The following DOCK9 variants were observed in gnomAD, a reference collection of about 807,000 sequenced individuals.
DOCK9 encodes the protein dedicator of cytokinesis protein 9.
DOCK9 carries 89 observed loss-of-function variants against 263.3 expected under a neutral mutation model. The ratio of observed to expected loss-of-function variants is 0.34; its 90% confidence interval spans 0.28 to 0.40. DOCK9 has a LOEUF of 0.40. Among genes scored for constraint, DOCK9 ranks in the 10% least tolerant of loss-of-function variants. The pLI is 1.00. For synonymous variants in DOCK9, 976 were observed against 973.1 expected, an observed-to-expected ratio of 1.00 and a Z score of -0.06; for missense variants, 2,140 against 2,603.4, an observed-to-expected ratio of 0.82 and a Z score of 3.87.
At chr13:99,012,670 C>T (rs1884710313) in intron 1 of DOCK9, among the ~76,000 whole-genome samples, 1 of 152,130 alleles carries the variant, frequency 6.6e-6, no homozygotes, top group African/African-American at 2.4e-5. Flanking sequence ...GGGCAGGGCT[C>T]CCTTAAGAAA....
At chr13:98,840,220 G>A (rs544277779) in intron 38 of DOCK9, among the ~76,000 whole-genome samples, 1 of 152,330 alleles carries the variant, frequency 6.6e-6, no homozygotes, top group South Asian at 2.1e-4. Flanking sequence ...TTTAAACTAA[G>A]GGTTGGCAAT....
intron 33 of DOCK9, chr13:98,857,818 C>T (rs1178180323): frequency 1.3e-5 from 2 of 152,192 alleles, no homozygotes; most frequent in Non-Finnish European, 2.9e-5. Flanking sequence ...AGGAGAGAAA[C>T]CATGTGAATG....
intron 38 of DOCK9, among the ~76,000 whole-genome samples, chr13:98,839,483 T>C (rs1190920490): frequency 6.6e-6 from 1 of 152,258 alleles, no homozygotes; most frequent in Non-Finnish European, 1.5e-5. Context: ...ACACCTGTTA[T>C]CAGACCAACC....
chr13:98,965,035 G>T (rs979462004), intron 1 of DOCK9, among the ~76,000 whole-genome samples: 4 of 152,168 alleles, frequency 2.6e-5, no homozygotes, highest in African/African-American at 9.7e-5. Flanking sequence ...TTCATTTGAG[G>T]GGGTACCAAT....
chr13:98,929,470 G>C (rs1370522867), intron 3 of DOCK9, among the ~76,000 whole-genome samples: 6 of 152,078 alleles, frequency 3.9e-5, no homozygotes, highest in African/African-American at 1.4e-4. Flanking sequence ...TTGAACCCAG[G>C]AGAGGCAGAG....
At chr13:99,017,120 A>C (rs1169998426) in intron 1 of DOCK9, among the ~76,000 whole-genome samples, 1 of 152,218 alleles carries the variant, frequency 6.6e-6, no homozygotes, top group Non-Finnish European at 1.5e-5. Context: ...CATGCAAAAA[A>C]CAGGATGACC....
At chr13:98,807,612 T>C in intron 48 of DOCK9, 49 bp downstream of exon 48, 1 of 1,443,820 alleles carries the variant, frequency 6.9e-7, no homozygotes, top group Non-Finnish European at 9.3e-7. Context: ...TAATATGTAA[T>C]CAATCACAAC....
Position 98,846,000 on chromosome 13 carries a change from G to C in DOCK9, c.4122C>G (p.Ser1374=), listed in dbSNP as rs762245969. 14 of 1,610,170 alleles carry C rather than the reference G, an allele frequency of 8.7e-6. No individual in the cohort carries two copies. Among genetic ancestry groups the C allele is most frequent in the Non-Finnish European group, 8.5e-7 (1 of 1,178,364 alleles). Residue 1374 remains serine, a synonymous_variant, in exon 38 of 53, where the codon TCC becomes TCG. Coordinates refer to ENST00000682017, the MANE Select transcript of DOCK9 (RefSeq NM_001366683.2). Reference sequence around the variant, plus strand: ...CATGCATCATTCCTGTTCTGTTACGGGAAACAGGCAATGTCTGAGACTTTC... The same window carrying C: ...CATGCATCATTCCTGTTCTGTTACGCGAAACAGGCAATGTCTGAGACTTTC... ...HDRKSQTLPV[S]RNRTGMMHAR...
intron 1 of DOCK9, among the ~76,000 whole-genome samples, chr13:99,061,768 A>G (rs2041201707): frequency 6.6e-6 from 1 of 151,840 alleles, no homozygotes; most frequent in Non-Finnish European, 1.5e-5. Context: ...TTTCTATCCC[A>G]TTCCGGTACT....
chr13:99,049,108 A>C (rs1173032336), intron 1 of DOCK9, among the ~76,000 whole-genome samples: 1 of 152,254 alleles, frequency 6.6e-6, no homozygotes, highest in Non-Finnish European at 1.5e-5. Context: ...TGGACCCAAC[A>C]GAATCATCAA....
intron 1 of DOCK9, among the ~76,000 whole-genome samples, chr13:98,972,130 G>A (rs1302157936): frequency 1.3e-5 from 2 of 152,174 alleles, no homozygotes; most frequent in Non-Finnish European, 2.9e-5. Context: ...GTGTAACTTT[G>A]AGCAAGAGGA....
intron 1 of DOCK9, among the ~76,000 whole-genome samples, chr13:98,967,292 G>A (rs1279204740): frequency 1.3e-5 from 2 of 152,222 alleles, no homozygotes; most frequent in Admixed American, 1.3e-4. Context: ...AATGGTGGTG[G>A]TGGGGACCAC....
intron 33 of DOCK9, chr13:98,859,309 T>C (rs1479162544): frequency 6.6e-6 from 1 of 152,214 alleles, no homozygotes; most frequent in Non-Finnish European, 1.5e-5. Context: ...TGCAAGCATT[T>C]TGCATGAATT....
chr13:99,051,660 C>T (rs764536157), intron 1 of DOCK9, among the ~76,000 whole-genome samples: 5 of 152,008 alleles, frequency 3.3e-5, no homozygotes, highest in Non-Finnish European at 5.9e-5. Context: ...AACCTGCAGA[C>T]GACTTGACTC....
intron 30 of DOCK9, 52 bp from the exon 31 acceptor site, chr13:98,863,600 A>C: frequency 6.5e-7 from 1 of 1,529,696 alleles, no homozygotes; most frequent in Non-Finnish European, 8.9e-7. Context: ...ATGCTCTTTG[A>C]ATAAAACAAA....
At chr13:98,901,524 A>G (rs2048276658) in intron 13 of DOCK9, among the ~76,000 whole-genome samples, 1 of 152,078 alleles carries the variant, frequency 6.6e-6, no homozygotes, top group Non-Finnish European at 1.5e-5. Context: ...TTTACTATTA[A>G]GCTGGTAATT....
intron 45 of DOCK9, among the ~76,000 whole-genome samples, chr13:98,810,785 G>A (rs1180186933): frequency 6.6e-6 from 1 of 152,172 alleles, no homozygotes; most frequent in Non-Finnish European, 1.5e-5. Flanking sequence ...ATTGAAGTTT[G>A]GGTAGTTACT....
chr13:98,956,646 C>T (rs1247755223), intron 1 of DOCK9, among the ~76,000 whole-genome samples: 2 of 152,052 alleles, frequency 1.3e-5, no homozygotes, highest in African/African-American at 4.8e-5. Flanking sequence ...ACTCGGGAGG[C>T]CGAGGCACGA....
chr13:99,027,036 T>A (rs1251706948), intron 1 of DOCK9, among the ~76,000 whole-genome samples: 1 of 152,132 alleles, frequency 6.6e-6, no homozygotes, highest in African/African-American at 2.4e-5. Context: ...GTTGTCGTTG[T>A]TGAGACGGAG....
Sources: allele counts gnomAD v4.1 joint callset (sites outside exome capture counted in the v4.1 genomes callset), GRCh38; gene constraint gnomAD v4.1.1; transcripts MANE v1.5; gene names NCBI Gene and HGNC (gene_info 2026-07-23, HGNC 2026-07-21).